TMEM165: variants seen among roughly 807,000 people sequenced by gnomAD.
TMEM165 encodes the protein transmembrane protein 165.
In TMEM165, 19 loss-of-function variants were observed where a neutral mutation model predicts 30.0. That is an observed-to-expected ratio of 0.63 (90% CI 0.44 to 0.93). The LOEUF (loss-of-function observed/expected upper bound fraction) is 0.93. Among genes scored for constraint, TMEM165 ranks in the 40% least tolerant of loss-of-function variants. TMEM165 has a pLI of 0.00. For missense variants in TMEM165, 340 were observed against 417.0 expected (o/e 0.82, Z 1.61); for synonymous variants, 168 against 162.9 (o/e 1.03, Z -0.24).
chr4:55,417,557 TAGTA>T (rs1721786866), intron 3 of TMEM165: 2 of 546,830 alleles, frequency 3.7e-6, no homozygotes, highest in East Asian at 3.0e-5. Flanking sequence ...GTGTCTAGGA[TAGTA>T]AGTGAGCAGA....
At chr4:55,452,215 A>C (rs566149007) in intron 3 of TMEM165, 1 of 152,352 alleles carries the variant, frequency 6.6e-6, no homozygotes, top group East Asian at 1.9e-4. Flanking sequence ...TAGGTTACAA[A>C]AGACTGTGAC....
intron 4 of TMEM165, among the ~76,000 whole-genome samples, chr4:55,420,395 CCATTCTAG>C (rs1325292315): frequency 4.9e-4 from 74 of 151,628 alleles, no homozygotes; most frequent in Admixed American, 4.4e-3. Context: ...ACACCCTGGT[CCATTCTAG>C]CAGTATGGCA....
chr4:55,407,518 A>G (rs1465604399), intron 1 of TMEM165, among the ~76,000 whole-genome samples: 2 of 152,230 alleles, frequency 1.3e-5, no homozygotes, highest in Admixed American at 6.5e-5. Flanking sequence ...AAATGTTATT[A>G]AAATTTTTAC....
rs56157186 is a variant in TMEM165 at position 55,445,582 on chromosome 4, C to CTTTTTTTTTTTTTTTTTT, written c.409-6648_409-6631dup. Among the ~76,000 whole-genome samples the CTTTTTTTTTTTTTTTTTT allele has an allele frequency of 2.5e-3, 169 of 68,590 alleles. 22 individuals are homozygous for CTTTTTTTTTTTTTTTTTT. Among genetic ancestry groups the CTTTTTTTTTTTTTTTTTT allele is most frequent in the East Asian group, 4.5e-3 (9 of 2,022 alleles). 45.0% of individuals were successfully genotyped at this position (68,590 alleles called of 152,430 possible). A position where few individuals can be genotyped will look rare whatever the true frequency, so the allele number is the denominator to read the frequency against. On this transcript the variant is annotated intron_variant, in intron 3 of 3. Transcript: ENST00000608091. ...TCTCTGCATCTGCTATTTCTATATTCTTTTTTTTTTTTTTTTTTTTTTTTT... is the reference window on the plus strand; with the variant it reads ...TCTCTGCATCTGCTATTTCTATATTCTTTTTTTTTTTTTTTTTTTTTTTTTTTTTTTTTTTTTTTTTTT...
chr4:55,442,548 G>A (rs762546843), intron 3 of TMEM165: 2 of 1,611,336 alleles, frequency 1.2e-6, no homozygotes, highest in Non-Finnish European at 8.5e-7. Flanking sequence ...TCACCATAGT[G>A]TTATACAGTG....
chr4:55,416,566 A>T (rs1394669587), intron 2 of TMEM165, among the ~76,000 whole-genome samples: 1 of 152,348 alleles, frequency 6.6e-6, no homozygotes, highest in Non-Finnish European at 1.5e-5. Flanking sequence ...TTAAATAGTT[A>T]CAAGGGAGCA....
At chr4:55,404,200 T>C (rs2109529699) in intron 1 of TMEM165, among the ~76,000 whole-genome samples, 1 of 151,090 alleles carries the variant, frequency 6.6e-6, no homozygotes, top group East Asian at 2.0e-4. Flanking sequence ...GTACTTTTAG[T>C]AGAGATGGGG....
intron 4 of TMEM165, among the ~76,000 whole-genome samples, chr4:55,420,098 G>GAAAAAA (rs370641089): frequency 0.012 from 513 of 43,536 alleles, 36 homozygotes; most frequent in Non-Finnish European, 0.019. Flanking sequence ...ACTATCTTAA[G>GAAAAAA]AAAAAAAAAT....
chr4:55,398,278 C>G (rs1720815066), intron 1 of TMEM165, among the ~76,000 whole-genome samples: 1 of 152,158 alleles, frequency 6.6e-6, no homozygotes, highest in Non-Finnish European at 1.5e-5. Flanking sequence ...TGAGGAGATT[C>G]TGATATGGGA....
chr4:55,432,289 C>A (rs1459323199), intron 3 of TMEM165: 1 of 151,960 alleles, frequency 6.6e-6, no homozygotes, highest in Middle Eastern at 3.4e-3. Flanking sequence ...CTTTATTAAC[C>A]CTTCTAGTTC....
chr4:55,440,823 A>G (rs1723308125), intron 3 of TMEM165, among the ~76,000 whole-genome samples: 1 of 152,142 alleles, frequency 6.6e-6, no homozygotes, highest in East Asian at 1.9e-4. Context: ...TCTGCCCAGA[A>G]TGCCTCCCTA....
chr4:55,425,700 T>C lies in TMEM165; in HGVS notation c.*248T>C, dbSNP rs1722167355. On this transcript the variant is annotated 3_prime_UTR_variant, in exon 6 of 6. Transcript: ENST00000381334. ...CATAATTATGTTAATATGGTCCTCA[T>C]TTTTCTTTTGGTGCAGAACCGTTGT... is the stretch of plus-strand genomic sequence containing the variant. The C allele has an allele frequency of 2.7e-6, 1 of 365,864 alleles. No homozygotes were observed. Among genetic ancestry groups the C allele is most frequent in the African/African-American group, 2.1e-5 (1 of 47,332 alleles). The allele number at this position is 365,864 out of a possible 1,614,324, so 22.7% of individuals were successfully genotyped here.
intron 3 of TMEM165, chr4:55,432,264 C>T (rs548400858): frequency 2.0e-5 from 3 of 151,130 alleles, no homozygotes; most frequent in African/African-American, 4.9e-5. Flanking sequence ...GGTTTGACAC[C>T]ACTCTAAGGA....
chr4:55,425,221 T>C (rs1722143696), intron 5 of TMEM165, among the ~76,000 whole-genome samples, 155 bp from the exon 6 acceptor site: 1 of 152,386 alleles, frequency 6.6e-6, no homozygotes, highest in African/African-American at 2.4e-5. Flanking sequence ...TGTTCCTTGT[T>C]ATGTAAAAGG....
downstream of TMEM165, chr4:55,428,605 C>T (rs1388556249): frequency 6.6e-6 from 1 of 152,070 alleles, no homozygotes; most frequent in Non-Finnish European, 1.5e-5. Flanking sequence ...TTAGCTCCAC[C>T]GTTTTGGAAG....
At chr4:55,453,264 A>G (rs1257580749) in exon 4 of TMEM165, 2 of 718,422 alleles carry the variant, frequency 2.8e-6, no homozygotes, top group African/African-American at 3.5e-5. Context: ...ACAAACCTAA[A>G]ATATACCTAT....
chr4:55,433,857 A>G (rs1055700105), intron 3 of TMEM165: 3 of 152,210 alleles, frequency 2.0e-5, no homozygotes, highest in Non-Finnish European at 4.4e-5. Context: ...TGTTGTAGTG[A>G]AGGCATAGCC....
At chr4:55,415,515 G>C (rs772242824) in intron 2 of TMEM165, 4 of 152,156 alleles carry the variant, frequency 2.6e-5, no homozygotes, top group Non-Finnish European at 5.9e-5. Context: ...TAGAACCCAA[G>C]ATCTAGGTGC....
At position 55,421,186 on chromosome 4, in the gene TMEM165, AAAGAC is replaced by A. The variant is rs1328518463; in HGVS notation, c.792+3202_792+3206del. 9.8e-3 allele frequency among the ~76,000 whole-genome samples: 1,399 copies of A among 143,182 alleles called. 24 individuals carry two copies. Among genetic ancestry groups the A allele is most frequent in the African/African-American group, 0.034 (1,342 of 39,294 alleles). 93.9% of individuals were successfully genotyped at this position (143,182 alleles called of 152,430 possible). On this transcript the variant is annotated intron_variant, in intron 4 of 5. Transcript: ENST00000381334. ...CATCTCAAAAAAAAAAAAAAAAAAA[AAAGAC>A]GACTCAGTATACAAATAAAGACTGG...
Sources: allele counts gnomAD v4.1 joint callset (sites outside exome capture counted in the v4.1 genomes callset), GRCh38; gene constraint gnomAD v4.1.1; transcripts MANE v1.5; gene names NCBI Gene and HGNC (gene_info 2026-07-23, HGNC 2026-07-21).